PIEZO2: variants seen among roughly 807,000 people sequenced by gnomAD.
PIEZO2 encodes piezo type mechanosensitive ion channel component 2.
Under a neutral mutation model 337.3 loss-of-function variants are expected in PIEZO2, and 172 were observed. The observed-to-expected ratio is 0.51, with a 90% CI of 0.45 to 0.58. The LOEUF (loss-of-function observed/expected upper bound fraction) is 0.58. PIEZO2 is among the 20% of genes least tolerant of loss of function. PIEZO2 has a pLI of 0.00. For missense variants in PIEZO2, 3,028 were observed against 3,391.3 expected (o/e 0.89, Z 2.66); for synonymous variants, 1,251 against 1,228.5 (o/e 1.02, Z -0.38).
chr18:11,098,178 T>C (rs952395120), intron 1 of PIEZO2, among the ~76,000 whole-genome samples: 1 of 152,040 alleles, frequency 6.6e-6, no homozygotes, highest in Non-Finnish European at 1.5e-5. Context: ...TAATGGAATA[T>C]TGTAAAGCCA....
chr18:10,971,679 C>T (rs2034243546), intron 3 of PIEZO2, among the ~76,000 whole-genome samples: 3 of 152,148 alleles, frequency 2.0e-5, no homozygotes, highest in African/African-American at 4.8e-5. Flanking sequence ...ATACTTTAAC[C>T]AGAGTTAGTA....
intron 2 of PIEZO2, among the ~76,000 whole-genome samples, chr18:11,039,514 C>T (rs10451333): frequency 0.21 from 31,278 of 151,942 alleles, 3,734 homozygotes; most frequent in African/African-American, 0.32. Context: ...AGCAAATATC[C>T]TGAATACTCC....
rs926870570 is a variant in PIEZO2 at position 10,940,601 on chromosome 18, T to C, written c.287-29373A>G. On this transcript the variant is annotated intron_variant, in intron 3 of 55. Transcript: ENST00000674853. This position sits in a 1 kb window ranked among gnomAD's most constrained non-coding sequence, Gnocchi z 5.3. ...AATTCAGGCCGGGCACTGCTGCTCATGCCTGTAATCCCAACACTTCGAGAG... is the reference window on the plus strand; with the variant it reads ...AATTCAGGCCGGGCACTGCTGCTCACGCCTGTAATCCCAACACTTCGAGAG... Among the ~76,000 whole-genome samples, 2 of 152,234 alleles carry C rather than the reference T, an allele frequency of 1.3e-5. No individual in the cohort carries two copies. The highest frequency in any genetic ancestry group is 2.9e-5 in the Non-Finnish European group (2 of 68,044).
At chr18:10,986,772 T>G (rs1158412237) in intron 2 of PIEZO2, among the ~76,000 whole-genome samples, 2 of 151,974 alleles carry the variant, frequency 1.3e-5, no homozygotes, top group Non-Finnish European at 1.5e-5. Context: ...AAGGAAGATA[T>G]TAAATTGTTC....
intron 4 of PIEZO2, among the ~76,000 whole-genome samples, chr18:10,874,658 T>A (rs1454829377): frequency 6.6e-6 from 1 of 152,124 alleles, no homozygotes; most frequent in African/African-American, 2.4e-5. Context: ...TGAAATCCTG[T>A]AATTTGCAGC....
intron 2 of PIEZO2, among the ~76,000 whole-genome samples, chr18:11,012,215 G>A (rs1202163170): frequency 2.0e-5 from 3 of 152,154 alleles, no homozygotes; most frequent in Admixed American, 6.5e-5. Flanking sequence ...TCCTCTTTAA[G>A]TTCCATAAGT....
At chr18:10,999,680 T>C (rs1439918817) in intron 2 of PIEZO2, among the ~76,000 whole-genome samples, 1 of 152,168 alleles carries the variant, frequency 6.6e-6, no homozygotes, top group Non-Finnish European at 1.5e-5. Context: ...CCATGAATAC[T>C]AAGAGACAAC....
At chr18:10,883,423 G>C (rs1294768419) in intron 4 of PIEZO2, among the ~76,000 whole-genome samples, 1 of 151,814 alleles carries the variant, frequency 6.6e-6, no homozygotes, top group Non-Finnish European at 1.5e-5. Context: ...ATGCTCACCA[G>C]CACCTCTTGT....
At chr18:10,998,351 TACAC>T (rs2035404671) in intron 2 of PIEZO2, among the ~76,000 whole-genome samples, 2 of 112,988 alleles carry the variant, frequency 1.8e-5, no homozygotes, top group Admixed American at 8.6e-5. Flanking sequence ...CACACACACA[TACAC>T]ATACACACAC....
chr18:10,990,574 T>A (rs2035050541), intron 2 of PIEZO2, among the ~76,000 whole-genome samples: 1 of 152,074 alleles, frequency 6.6e-6, no homozygotes, highest in Non-Finnish European at 1.5e-5. Context: ...AGTTTACTTA[T>A]AAGACAAATA....
At chr18:11,007,805 GTAAATATAC>G (rs1457056684) in intron 2 of PIEZO2, among the ~76,000 whole-genome samples, 21 of 152,170 alleles carry the variant, frequency 1.4e-4, no homozygotes, top group African/African-American at 4.8e-4. Context: ...GAAGGCAAAT[GTAAATATAC>G]TTTCAGACAA....
chr18:10,680,204 A>G lies in PIEZO2; in HGVS notation c.7947T>C (p.Ile2649=). The G allele has an allele frequency of 6.2e-7, 1 of 1,611,416 alleles. No individual in the cohort carries two copies. The highest frequency in any genetic ancestry group is 8.5e-7 in the Non-Finnish European group (1 of 1,177,902). The change falls in exon 52 of 56, where the codon ATT becomes ATC. Residue 2649 remains isoleucine (I), a synonymous_variant. Coordinates refer to ENST00000674853, the MANE Select transcript of PIEZO2 (RefSeq NM_001378183.1). ...SSFSVVFSWS[I]QRNLSLGAKS... ...CATGGAAATACAGTAACTACCTCTG[A>G]ATACTCCATGAAAAAACAACAGAGA...
rs1248052396 is a variant in PIEZO2, at chr18:11,063,274, C to T, written c.160+2853G>A. ...GGAAGGGGAACATCACACACCGGGG[C>T]CTGTTGTGGGGTGGGGGGAGTGGGG... On this transcript the variant is annotated intron_variant, in intron 2 of 55. Transcript: ENST00000674853. Among the ~76,000 whole-genome samples, 3 of 123,896 alleles carry T rather than the reference C, an allele frequency of 2.4e-5. No homozygotes were observed. The East Asian group carries it at 7.7e-4, about 32-fold the overall frequency. 81.3% of individuals were successfully genotyped at this position (123,896 alleles called of 152,430 possible). A position where few individuals can be genotyped will look rare whatever the true frequency, so the allele number is the denominator to read the frequency against.
chr18:10,789,331 C>G lies in PIEZO2; in HGVS notation c.1917G>C (p.Glu639Asp), dbSNP rs1401542645. ...CTTCCTCTTCTTCCTCCTCTTTGGG[C>G]TCTCCTTCCACTTGTATATCTTGAA... is the stretch of plus-strand genomic sequence containing the variant. Reference protein sequence around the residue: ...EELQDIQVEGEPKEEEEEEAK... With the variant: ...EELQDIQVEGDPKEEEEEEAK... Residue 639 changes from glutamate (E) to aspartate (D), a missense_variant, in exon 15 of 56, where the codon GAG becomes GAC. Glu to Asp is a conservative substitution (Grantham distance 45). Transcript: ENST00000674853. 1 of 1,537,054 alleles carries G rather than the reference C, an allele frequency of 6.5e-7. No homozygotes were observed. The highest frequency in any genetic ancestry group is 8.7e-7 in the Non-Finnish European group (1 of 1,146,836).
chr18:10,933,786 A>G (rs1245509063), intron 3 of PIEZO2, among the ~76,000 whole-genome samples: 1 of 152,212 alleles, frequency 6.6e-6, no homozygotes, highest in African/African-American at 2.4e-5. Context: ...GGTGGAGATA[A>G]TTGAGTCATG....
chr18:11,057,733 A>C (rs1195498565), intron 2 of PIEZO2, among the ~76,000 whole-genome samples: 3 of 152,208 alleles, frequency 2.0e-5, no homozygotes, highest in Non-Finnish European at 4.4e-5. Flanking sequence ...ATAACTCCTA[A>C]AAGCTGTTCC....
Position 10,707,364 on chromosome 18 carries a change from G to C in PIEZO2, c.5588+911C>G, listed in dbSNP as rs186697834. On this transcript the variant is annotated intron_variant, in intron 40 of 55. Transcript: ENST00000674853. This position sits in a 1 kb window ranked among gnomAD's most constrained non-coding sequence, Gnocchi z 4.2. ...GGACTGGCATGGCAGGCACATGCCC[G>C]CCAGAGGACTTTGTCAAATGGCCAA... 3.7e-4 allele frequency among the ~76,000 whole-genome samples: 57 copies of C among 152,194 alleles called. No individual in the cohort carries two copies. The highest frequency in any genetic ancestry group is 1.3e-3 in the African/African-American group (53 of 41,510).
chr18:10,791,367 T>A, intron 13 of PIEZO2, 43 bp from the exon 14 acceptor site: 1 of 1,452,720 alleles, frequency 6.9e-7, no homozygotes, highest in Non-Finnish European at 9.1e-7. Flanking sequence ...AGCAACCATT[T>A]GGAATGTAAA....
chr18:10,984,240 A>C (rs2145510545), intron 2 of PIEZO2, among the ~76,000 whole-genome samples: 1 of 152,302 alleles, frequency 6.6e-6, no homozygotes, highest in South Asian at 2.1e-4. Context: ...CTAGTGGCTG[A>C]CCCCAAAGAA....
Sources: allele counts gnomAD v4.1 joint callset (sites outside exome capture counted in the v4.1 genomes callset), GRCh38; gene constraint gnomAD v4.1.1; non-coding constraint Gnocchi (gnomAD v3.1); transcripts MANE v1.5; gene names NCBI Gene and HGNC (gene_info 2026-07-23, HGNC 2026-07-21).